Variants in EXOC6B observed in about 807,000 individuals in gnomAD.
EXOC6B encodes the protein exocyst complex component 6B.
A neutral mutation model predicts 113.5 loss-of-function variants in EXOC6B; 54 were observed. The ratio of observed to expected loss-of-function variants is 0.48; its 90% CI spans 0.38 to 0.60. The LOEUF (loss-of-function observed/expected upper bound fraction) is 0.60, where lower values mean the gene tolerates loss of function less well. Among genes scored for constraint, EXOC6B ranks in the 20% least tolerant of loss-of-function variants. The probability of loss-of-function intolerance (pLI) is 0.00; values close to 1 mark genes in which losing one functional copy is unlikely to be tolerated. For missense variants in EXOC6B, 797 were observed against 977.5 expected, an observed-to-expected ratio of 0.82 and a Z score of 2.46; for synonymous variants, 357 against 339.0, an observed-to-expected ratio of 1.05 and a Z score of -0.58.
At chr2:72,469,881 A>C (rs1473695623) in intron 17 of EXOC6B, among the ~76,000 whole-genome samples, 1 of 152,132 alleles carries the variant, frequency 6.6e-6, no homozygotes, top group African/African-American at 2.4e-5. Flanking sequence ...TTAACATATA[A>C]AATAAGATTT....
At chr2:72,184,737 A>T (rs748940365) in intron 20 of EXOC6B, among the ~76,000 whole-genome samples, 23 of 152,248 alleles carry the variant, frequency 1.5e-4, no homozygotes, top group Admixed American at 4.6e-4. Flanking sequence ...GCCTATATAC[A>T]AATAGGACAC....
intron 13 of EXOC6B, 46 bp from the exon 14 acceptor site, chr2:72,496,605 T>TGG (rs746645705): frequency 9.8e-5 from 112 of 1,140,402 alleles, no homozygotes; most frequent in Admixed American, 7.0e-4. Context: ...ATAGACAAAG[T>TGG]GGGGGGGTAG....
chr2:72,339,207 C>A (rs1688883390), intron 19 of EXOC6B, among the ~76,000 whole-genome samples: 1 of 152,076 alleles, frequency 6.6e-6, no homozygotes, highest in African/African-American at 2.4e-5. Context: ...TATGTACACA[C>A]AAGAAGCCTC....
At chr2:72,311,634 C>A (rs548447851) in intron 20 of EXOC6B, among the ~76,000 whole-genome samples, 1 of 152,162 alleles carries the variant, frequency 6.6e-6, no homozygotes, top group Admixed American at 6.5e-5. Flanking sequence ...TGCAAAATCT[C>A]TTTTACCCTA....
chr2:72,520,083 C>A (rs919312481), intron 8 of EXOC6B, among the ~76,000 whole-genome samples: 33 of 152,180 alleles, frequency 2.2e-4, no homozygotes, highest in Non-Finnish European at 1.5e-5. Flanking sequence ...TAGCACGTAT[C>A]TCCATCTGAT....
At chr2:72,716,386 G>A (rs182698952) in intron 6 of EXOC6B, among the ~76,000 whole-genome samples, 140 of 152,048 alleles carry the variant, frequency 9.2e-4, no homozygotes, top group African/African-American at 3.1e-3. Flanking sequence ...CACCTACTAC[G>A]TACAAAGTAC....
chr2:72,366,583 C>T (rs540493463), intron 19 of EXOC6B, among the ~76,000 whole-genome samples: 2 of 152,072 alleles, frequency 1.3e-5, no homozygotes, highest in Non-Finnish European at 2.9e-5. Flanking sequence ...CTTGCATGTC[C>T]AAACTCAATG....
At chr2:72,536,856 T>G (rs1259316780) in intron 8 of EXOC6B, among the ~76,000 whole-genome samples, 1 of 152,204 alleles carries the variant, frequency 6.6e-6, no homozygotes, top group Non-Finnish European at 1.5e-5. Flanking sequence ...AGATCATTGA[T>G]TTTACAAATT....
intron 18 of EXOC6B, among the ~76,000 whole-genome samples, chr2:72,454,383 A>G (rs1483811656): frequency 6.6e-6 from 1 of 152,052 alleles, no homozygotes; most frequent in Non-Finnish European, 1.5e-5. Context: ...ACACGCCTGT[A>G]ATCCTAGACA....
chr2:72,524,906 ATCAC>A (rs1701680529), intron 8 of EXOC6B, among the ~76,000 whole-genome samples: 2 of 152,240 alleles, frequency 1.3e-5, no homozygotes, highest in African/African-American at 4.8e-5. Context: ...AATTCTTGTT[ATCAC>A]TCAATTAGCC....
At chr2:72,270,595 T>G (rs1422874515) in intron 20 of EXOC6B, among the ~76,000 whole-genome samples, 1 of 152,168 alleles carries the variant, frequency 6.6e-6, no homozygotes, top group Non-Finnish European at 1.5e-5. Context: ...ACATCATAAG[T>G]ATCTGTTGAA....
At chr2:72,768,495 T>C (rs1683232010) in intron 1 of EXOC6B, among the ~76,000 whole-genome samples, 1 of 152,010 alleles carries the variant, frequency 6.6e-6, no homozygotes. Flanking sequence ...ATTTTGTATT[T>C]TGTTTCTCCA....
Position 72,622,097 on chromosome 2 carries a change from A to T in EXOC6B, c.670-46429T>A, listed in dbSNP as rs151336764. Among the ~76,000 whole-genome samples the T allele has an allele frequency of 4.8e-3, 726 of 151,978 alleles. 8 individuals are homozygous for T. The highest frequency in any genetic ancestry group is 0.016 in the African/African-American group (675 of 41,534). On this transcript the variant is annotated intron_variant, in intron 6 of 21. Coordinates refer to ENST00000272427, the MANE Select transcript of EXOC6B (RefSeq NM_015189.3). ...GGTATAGAAAAAAGTTTATAAGAATATATGTTAAATCATTACAATGACTAC... is the reference window on the plus strand; with the variant it reads ...GGTATAGAAAAAAGTTTATAAGAATTTATGTTAAATCATTACAATGACTAC...
At chr2:72,663,124 C>T (rs902682594) in intron 6 of EXOC6B, among the ~76,000 whole-genome samples, 1 of 152,138 alleles carries the variant, frequency 6.6e-6, no homozygotes, top group African/African-American at 2.4e-5. Flanking sequence ...GGAAACAAAC[C>T]AAATGCCAAT....
intron 17 of EXOC6B, among the ~76,000 whole-genome samples, chr2:72,472,648 G>A (rs139764653): frequency 3.9e-5 from 6 of 152,074 alleles, no homozygotes; most frequent in South Asian, 2.1e-4. Context: ...TCAAGGAACC[G>A]ACTTTTTGTT....
chr2:72,568,434 A>G (rs540065666), intron 7 of EXOC6B, among the ~76,000 whole-genome samples: 1 of 152,184 alleles, frequency 6.6e-6, no homozygotes, highest in Admixed American at 6.5e-5. Context: ...TGTCATTGTC[A>G]GGAAACACAG....
intron 18 of EXOC6B, chr2:72,462,308 T>C (rs1009220855): frequency 1.3e-5 from 2 of 152,112 alleles, no homozygotes; most frequent in Non-Finnish European, 2.9e-5. Flanking sequence ...AAGTGAATCA[T>C]CTAACCTAAA....
At chr2:72,689,823 C>G (rs768000132) in intron 6 of EXOC6B, among the ~76,000 whole-genome samples, 1 of 152,088 alleles carries the variant, frequency 6.6e-6, no homozygotes, top group African/African-American at 2.4e-5. Context: ...CTCAAGTGTC[C>G]CTAAGTTTTC....
At chr2:72,766,319 G>C (rs1338992939) in intron 1 of EXOC6B, among the ~76,000 whole-genome samples, 3 of 152,106 alleles carry the variant, frequency 2.0e-5, no homozygotes, top group African/African-American at 7.2e-5. Context: ...CTTCACTTAA[G>C]GAAGAAAACA....
Sources: allele counts gnomAD v4.1 joint callset (sites outside exome capture counted in the v4.1 genomes callset), GRCh38; gene constraint gnomAD v4.1.1; transcripts MANE v1.5; gene names NCBI Gene and HGNC (gene_info 2026-07-23, HGNC 2026-07-21).